The following TACR3 variants were observed in gnomAD, a reference collection of about 807,000 sequenced individuals.
The protein encoded by TACR3 is neuromedin-K receptor.
A neutral mutation model predicts 35.0 loss-of-function variants in TACR3; 34 were observed. The observed-to-expected ratio is 0.97, with a 90% CI of 0.74 to 1.30. TACR3 has a LOEUF of 1.30. TACR3 is among the 50% of genes most tolerant of loss of function. TACR3 has a pLI of 0.00. For missense variants in TACR3, 558 were observed against 591.7 expected (o/e 0.94, Z 0.59); for synonymous variants, 233 against 221.1 (o/e 1.05, Z -0.48).
chr4:103,664,911 G>A (rs1725905968), intron 1 of TACR3, among the ~76,000 whole-genome samples: 1 of 151,846 alleles, frequency 6.6e-6, no homozygotes, highest in Admixed American at 6.6e-5. Context: ...CTTGGCTCAA[G>A]TGATCTTTCT....
At chr4:103,704,094 ACT>A (rs143213793) in intron 1 of TACR3, among the ~76,000 whole-genome samples, 5,083 of 127,588 alleles carry the variant, frequency 0.04, 115 homozygotes, top group Non-Finnish European at 0.047. Context: ...ACAGAGTGAA[ACT>A]CTATCTCACA....
intron 1 of TACR3, among the ~76,000 whole-genome samples, chr4:103,695,357 T>A (rs1009620366): frequency 2.0e-5 from 3 of 152,138 alleles, no homozygotes; most frequent in Non-Finnish European, 4.4e-5. Context: ...GACAGCAAGA[T>A]CAACCCCTCT....
At chr4:103,638,027 C>T (rs570844611) in intron 3 of TACR3, among the ~76,000 whole-genome samples, 32 of 152,230 alleles carry the variant, frequency 2.1e-4, no homozygotes, top group Admixed American at 8.5e-4. Flanking sequence ...AGGTAATTTA[C>T]AGATTCAATG....
chr4:103,688,986 C>T (rs1246630181), intron 1 of TACR3, among the ~76,000 whole-genome samples: 1 of 152,044 alleles, frequency 6.6e-6, no homozygotes, highest in Non-Finnish European at 1.5e-5. Flanking sequence ...ATAGCAAAGA[C>T]TTGGAACCAA....
At chr4:103,614,664 T>C (rs1195971321) in intron 3 of TACR3, among the ~76,000 whole-genome samples, 1 of 152,108 alleles carries the variant, frequency 6.6e-6, no homozygotes, top group Non-Finnish European at 1.5e-5. Context: ...AAGGACACAA[T>C]AGTCTTATTA....
intron 1 of TACR3, among the ~76,000 whole-genome samples, chr4:103,689,725 T>A (rs1038320587): frequency 6.6e-6 from 1 of 151,900 alleles, no homozygotes; most frequent in Non-Finnish European, 1.5e-5. Context: ...TACAAGCATA[T>A]GCATGATGGG....
At chr4:103,645,533 A>G (rs113069498) in intron 3 of TACR3, among the ~76,000 whole-genome samples, 197 of 152,126 alleles carry the variant, frequency 1.3e-3, no homozygotes, top group Non-Finnish European at 1.2e-3. Context: ...AGAAAACCTT[A>G]GGACACTTAG....
intron 3 of TACR3, among the ~76,000 whole-genome samples, chr4:103,634,398 A>G (rs1297551888): frequency 1.3e-5 from 2 of 152,096 alleles, no homozygotes; most frequent in Non-Finnish European, 2.9e-5. Flanking sequence ...AGAAACATAA[A>G]CAGTGAGAAG....
intron 1 of TACR3, among the ~76,000 whole-genome samples, chr4:103,706,544 G>GAT (rs761535401): frequency 2.0e-5 from 3 of 151,878 alleles, no homozygotes; most frequent in East Asian, 1.9e-4. Flanking sequence ...TATATACACA[G>GAT]ATATATATAG....
chr4:103,608,767 A>G (rs867305083), intron 3 of TACR3, among the ~76,000 whole-genome samples: 1 of 152,052 alleles, frequency 6.6e-6, no homozygotes, highest in South Asian at 2.1e-4. Context: ...GGGGAGGTGG[A>G]CATTTCTTCA....
intron 3 of TACR3, among the ~76,000 whole-genome samples, chr4:103,628,200 C>T (rs1047990509): frequency 6.6e-6 from 1 of 151,962 alleles, no homozygotes; most frequent in African/African-American, 2.4e-5. Flanking sequence ...GCAGGAAAGA[C>T]CTAAAATCAA....
At chr4:103,717,677 AC>A (rs1723121172) in intron 1 of TACR3, among the ~76,000 whole-genome samples, 1 of 152,162 alleles carries the variant, frequency 6.6e-6, no homozygotes, top group African/African-American at 2.4e-5. Flanking sequence ...ACATCAAAAA[AC>A]ATATACTATA....
chr4:103,710,866 C>A (rs1722934767), intron 1 of TACR3, among the ~76,000 whole-genome samples: 1 of 152,172 alleles, frequency 6.6e-6, no homozygotes, highest in African/African-American at 2.4e-5. Context: ...ATAAACACTT[C>A]TACGCAAATA....
intron 3 of TACR3, among the ~76,000 whole-genome samples, chr4:103,634,712 G>C (rs577785706): frequency 6.6e-6 from 1 of 152,002 alleles, no homozygotes; most frequent in Non-Finnish European, 1.5e-5. Flanking sequence ...TCTGTCAATA[G>C]CGTCCTCATT....
intron 3 of TACR3, among the ~76,000 whole-genome samples, chr4:103,638,019 G>C (rs1413983606): frequency 6.6e-6 from 1 of 152,106 alleles, no homozygotes; most frequent in South Asian, 2.1e-4. Context: ...ACTGCCAAAG[G>C]TAATTTACAG....
intron 3 of TACR3, among the ~76,000 whole-genome samples, chr4:103,600,081 G>T (rs538888979): frequency 3.3e-5 from 5 of 151,982 alleles, no homozygotes; most frequent in Admixed American, 6.6e-5. Context: ...AATCCATCTG[G>T]TCCTGGACTT....
At chr4:103,619,582 T>C (rs931081294) in intron 3 of TACR3, among the ~76,000 whole-genome samples, 4 of 152,212 alleles carry the variant, frequency 2.6e-5, no homozygotes, top group Admixed American at 2.0e-4. Flanking sequence ...AGAGTCGGCA[T>C]CCTTGTCTTG....
intron 1 of TACR3, among the ~76,000 whole-genome samples, chr4:103,700,231 A>G (rs1008115311): frequency 2.0e-5 from 3 of 152,174 alleles, no homozygotes; most frequent in Admixed American, 2.0e-4. Context: ...ATCGAATATT[A>G]CTTTGTATTC....
intron 1 of TACR3, among the ~76,000 whole-genome samples, chr4:103,694,215 C>CTGCA (rs1560534393): frequency 1.3e-4 from 20 of 149,776 alleles, no homozygotes; most frequent in African/African-American, 5.1e-4. Flanking sequence ...CACTTCCTTA[C>CTGCA]ACTATGCACA....
Sources: gnomAD v4.1 joint callset for allele counts (sites outside exome capture counted in the v4.1 genomes callset) on GRCh38, gnomAD v4.1.1 for gene constraint, MANE v1.5 for transcripts, NCBI Gene and HGNC (gene_info 2026-07-23, HGNC 2026-07-21) for gene names.